The following SLC5A1 variants were observed in gnomAD, a reference collection of about 807,000 sequenced individuals.
SLC5A1 encodes the protein sodium/glucose cotransporter 1.
A neutral mutation model predicts 73.5 loss-of-function variants in SLC5A1; 42 were observed. The observed-to-expected ratio is 0.57, with a 90% CI of 0.45 to 0.74. SLC5A1 has a LOEUF of 0.74. Ranked by LOEUF, SLC5A1 falls within the 30% of genes least tolerant of loss-of-function variation. The pLI, the probability that SLC5A1 is intolerant of heterozygous loss-of-function variation, is 0.00. For synonymous variants in SLC5A1, 300 were observed against 317.4 expected (o/e 0.95, Z 0.58); for missense variants, 634 against 855.4 (o/e 0.74, Z 3.23).
intron 5 of SLC5A1, among the ~76,000 whole-genome samples, chr22:32,077,284 C>T: frequency 6.7e-6 from 1 of 150,114 alleles, no homozygotes; most frequent in African/African-American, 2.5e-5. Context: ...TTCTCTCTCC[C>T]TCTGTTACCT....
At position 32,099,305 on chromosome 22, in the gene SLC5A1, C is replaced by T. The variant is rs200406921; in HGVS notation, c.1403C>T (p.Ala468Val). The T allele has an allele frequency of 6.8e-6, 11 of 1,613,162 alleles. No individual in the cohort carries two copies. Among genetic ancestry groups the T allele is most frequent in the Middle Eastern group, 1.7e-4 (1 of 6,060 alleles). Reference protein sequence around the residue: ...SITSYLGPPIAAVFLLAIFWK... With the variant: ...SITSYLGPPIVAVFLLAIFWK... ...ACCAGTTACTTGGGACCACCCATTG[C>T]GGCTGTCTTCCTGCTTGCTATTTTC... The change falls in exon 12 of 15, where the codon GCG becomes GTG. Residue 468 changes from alanine (A) to valine (V), a missense_variant. Around this residue, in one of 3 missense-constraint regions of SLC5A1, gnomAD observed 422 missense variants for 626.1 expected, o/e 0.67. Coordinates refer to ENST00000266088, the MANE Select transcript of SLC5A1 (RefSeq NM_000343.4).
chr22:32,052,415 C>G (rs759521410), intron 2 of SLC5A1, among the ~76,000 whole-genome samples: 1 of 152,126 alleles, frequency 6.6e-6, no homozygotes, highest in Non-Finnish European at 1.5e-5. Context: ...TATGATGTCA[C>G]CAGAGGGGCC....
intron 9 of SLC5A1, among the ~76,000 whole-genome samples, chr22:32,085,349 C>A (rs1176914961): frequency 6.6e-6 from 1 of 151,894 alleles, no homozygotes; most frequent in Non-Finnish European, 1.5e-5. Flanking sequence ...TGGTCTTGAA[C>A]TCCTGGCCTC....
intron 2 of SLC5A1, among the ~76,000 whole-genome samples, chr22:32,059,983 C>T (rs1044448081): frequency 2.0e-5 from 3 of 150,598 alleles, no homozygotes; most frequent in South Asian, 2.1e-4. Context: ...GTGAAAATGC[C>T]GCCCACTGGG....
Position 32,083,083 on chromosome 22 carries a change from C to A in SLC5A1, c.593C>A (p.Ala198Glu), listed in dbSNP as rs142137533. ...CTTCTTGCCTGCTTAGGGGGCCTGG[C>A]GGCGGTGATTTACACGGACACCTTG... Reference protein sequence around the residue: ...TALYTITGGLAAVIYTDTLQT... With the variant: ...TALYTITGGLEAVIYTDTLQT... Residue 198 changes from alanine to glutamate, a missense_variant, in exon 7 of 15, where the codon GCG becomes GAG. Physicochemically the swap from Ala to Glu is moderately radical, Grantham distance 107 (BLOSUM62 -1). Coordinates refer to ENST00000266088, the MANE Select transcript of SLC5A1 (RefSeq NM_000343.4). 2 of 1,614,026 alleles carry A rather than the reference C, an allele frequency of 1.2e-6. No individual in the cohort carries two copies. The highest frequency in any genetic ancestry group is 2.2e-5 in the South Asian group (2 of 91,070).
rs1285701486 is a variant in SLC5A1, at chr22:32,043,515, G to A, written c.135+99G>A. ...AGGGGCAGTAGGCTTAAGTGTCGGT[G>A]GAGGGGAGAGGAAATGACTTGGAAG... On this transcript the variant is annotated intron_variant, in intron 1 of 14. Coordinates refer to ENST00000266088, the MANE Select transcript of SLC5A1 (RefSeq NM_000343.4). The surrounding 1 kb of genome is among the most constrained non-coding windows in gnomAD (Gnocchi z 6.5). The A allele has an allele frequency of 6.9e-6, 9 of 1,309,106 alleles. No homozygotes were observed. Among genetic ancestry groups the A allele is most frequent in the Non-Finnish European group, 8.7e-6 (8 of 923,294 alleles). 81.1% of individuals were successfully genotyped at this position (1,309,106 alleles called of 1,614,324 possible). A position where few individuals can be genotyped will look rare whatever the true frequency, so the allele number is the denominator to read the frequency against.
At chr22:32,051,203 C>A in intron 2 of SLC5A1, among the ~76,000 whole-genome samples, 1 of 152,180 alleles carries the variant, frequency 6.6e-6, no homozygotes, top group East Asian at 1.9e-4. Flanking sequence ...AGAAGCATTC[C>A]AAAGGGCAGG....
chr22:32,083,265 A>G (rs1018212267), intron 7 of SLC5A1, 111 bp downstream of exon 7: 4 of 865,970 alleles, frequency 4.6e-6, no homozygotes, highest in Non-Finnish European at 7.6e-6. Context: ...CAGTGAGCTG[A>G]GGCATGCTCT....
intron 7 of SLC5A1, among the ~76,000 whole-genome samples, chr22:32,083,706 T>TA (rs2094003581): frequency 6.6e-6 from 1 of 152,086 alleles, no homozygotes; most frequent in Non-Finnish European, 1.5e-5. Context: ...TATGAAATCT[T>TA]AAAGATGAGA....
intron 5 of SLC5A1, among the ~76,000 whole-genome samples, chr22:32,073,971 G>A (rs2093986863): frequency 6.6e-6 from 1 of 152,148 alleles, no homozygotes; most frequent in Non-Finnish European, 1.5e-5. Flanking sequence ...TAGAGAAATC[G>A]GGCTTTGGCT....
At chr22:32,092,500 C>T (rs1014140082) in intron 11 of SLC5A1, among the ~76,000 whole-genome samples, 2 of 152,150 alleles carry the variant, frequency 1.3e-5, no homozygotes, top group African/African-American at 4.8e-5. Context: ...GGTAGTTCTA[C>T]TTTTAGTTCT....
chr22:32,070,628 C>T (rs1260931221), intron 5 of SLC5A1, among the ~76,000 whole-genome samples: 5 of 152,034 alleles, frequency 3.3e-5, no homozygotes, highest in Non-Finnish European at 5.9e-5. Flanking sequence ...GCCACTGCAC[C>T]CGGCCTTGTG....
At chr22:32,093,127 T>C (rs1170891312) in intron 11 of SLC5A1, among the ~76,000 whole-genome samples, 1 of 152,216 alleles carries the variant, frequency 6.6e-6, no homozygotes, top group Non-Finnish European at 1.5e-5. Context: ...TTTGGGTTTA[T>C]TTCTGGGTTC....
intron 5 of SLC5A1, among the ~76,000 whole-genome samples, chr22:32,075,760 G>C (rs1477233558): frequency 6.6e-6 from 1 of 152,074 alleles, no homozygotes; most frequent in South Asian, 2.1e-4. Flanking sequence ...ATCTGGGCAG[G>C]GGGTAGGGTA....
At chr22:32,083,842 G>A (rs1179542601) in intron 7 of SLC5A1, among the ~76,000 whole-genome samples, 2 of 152,152 alleles carry the variant, frequency 1.3e-5, no homozygotes, top group Non-Finnish European at 2.9e-5. Flanking sequence ...TGTTTTCTAA[G>A]GACTTTCATT....
In SLC5A1 at chr22:32,049,452, C is replaced by T. The variant is rs1335401873; in HGVS notation, c.136-491C>T. ...TTTGAGATGGGTGTTGCTATGTTGCCCAGGCTGGTCTTGAATTCCTGGGCT... is the reference window on the plus strand; with the variant it reads ...TTTGAGATGGGTGTTGCTATGTTGCTCAGGCTGGTCTTGAATTCCTGGGCT... On this transcript the variant is annotated intron_variant, in intron 1 of 14. Coordinates refer to ENST00000266088, the MANE Select transcript of SLC5A1 (RefSeq NM_000343.4). Among the ~76,000 whole-genome samples, 4 of 144,702 alleles carry T rather than the reference C, an allele frequency of 2.8e-5. No individual in the cohort carries two copies. The East Asian group carries it at 8.2e-4, about 30-fold the overall frequency. The allele number at this position is 144,702 out of a possible 152,430, so 94.9% of individuals were successfully genotyped here.
rs376504656 is a variant in SLC5A1, at chr22:32,066,926, C to G, written c.208-9C>G. ...AGAGCCCTCACCTGACTTTCTTTTG[C>G]GTTTCCAGATTGGAGCCTCCCTCTT... On this transcript the variant is annotated splice_polypyrimidine_tract_variant and intron_variant, in intron 2 of 14. Transcript: ENST00000266088. The G allele has an allele frequency of 6.2e-7, 1 of 1,605,478 alleles. No homozygotes were observed. Among genetic ancestry groups the G allele is most frequent in the Non-Finnish European group, 8.5e-7 (1 of 1,172,444 alleles).
rs201895474 is a variant in SLC5A1, at chr22:32,102,096, C to T, written c.1524C>T (p.Thr508=). 3.7e-5 allele frequency: 60 copies of T among 1,613,914 alleles called. No homozygotes were observed. The highest frequency in any genetic ancestry group is 3.5e-4 in the South Asian group (32 of 91,050). Residue 508 remains threonine, a synonymous_variant, in exon 13 of 15, where the codon ACC becomes ACT. Coordinates refer to ENST00000266088, the MANE Select transcript of SLC5A1 (RefSeq NM_000343.4). The part of the protein sequence containing the change: ...SRMITEFAYG[T]GSCMEPSNCP... ...TGATTACTGAGTTTGCTTATGGAAC[C>T]GGGAGCTGCATGGAGCCCAGCAACT...
intron 2 of SLC5A1, among the ~76,000 whole-genome samples, chr22:32,064,082 G>A (rs2093968254): frequency 6.6e-6 from 1 of 152,124 alleles, no homozygotes; most frequent in African/African-American, 2.4e-5. Context: ...ATAATTTCTG[G>A]TAATTATGTC....
Sources: gnomAD v4.1 joint callset for allele counts (sites outside exome capture counted in the v4.1 genomes callset) on GRCh38, gnomAD v4.1.1 for gene constraint, gnomAD v4.1.1 regional missense constraint, Gnocchi (gnomAD v3.1) non-coding constraint, MANE v1.5 for transcripts, NCBI Gene and HGNC (gene_info 2026-07-23, HGNC 2026-07-21) for gene names.